WWTR1: variants seen among roughly 807,000 people sequenced by gnomAD.
WWTR1 encodes WW domain-containing transcription regulator protein 1.
In WWTR1, 13 loss-of-function variants were observed where a neutral mutation model predicts 40.1. The ratio of observed to expected loss-of-function variants is 0.32; its 90% confidence interval spans 0.21 to 0.52. The LOEUF (loss-of-function observed/expected upper bound fraction) is 0.52. WWTR1 is among the 20% of genes least tolerant of loss of function. The pLI, the probability that WWTR1 is intolerant of heterozygous loss-of-function variation, is 0.97. For synonymous variants in WWTR1, 230 were observed against 210.1 expected, an observed-to-expected ratio of 1.09 and a Z score of -0.82; for missense variants, 436 against 523.1, an observed-to-expected ratio of 0.83 and a Z score of 1.63.
rs145424611 is a variant in WWTR1 at position 149,628,176 on chromosome 3, T to C, written c.431+28700A>G. On this transcript the variant is annotated intron_variant, in intron 2 of 6. Coordinates refer to ENST00000360632, the MANE Select transcript of WWTR1 (RefSeq NM_015472.6). ...ACTAGGTCAGGCAATCGAGACCATC[T>C]TGGCTAACACGGTGAAACCCCGTCC... 6.5e-3 allele frequency among the ~76,000 whole-genome samples: 991 copies of C among 151,444 alleles called. 5 individuals carry two copies. The highest frequency in any genetic ancestry group is 0.02 in the African/African-American group (840 of 41,272).
At chr3:149,616,460 G>A (rs758138447) in intron 2 of WWTR1, among the ~76,000 whole-genome samples, 3 of 144,328 alleles carry the variant, frequency 2.1e-5, no homozygotes, top group East Asian at 2.0e-4. Flanking sequence ...TTTTTTTTCC[G>A]AGGTGGAGTT....
At position 149,657,846 on chromosome 3, in the gene WWTR1, G is replaced by C. The variant is rs1576628083; in HGVS notation, c.-85C>G. The C allele has an allele frequency of 6.5e-6, 1 of 154,062 alleles. No homozygotes were observed. The highest frequency in any genetic ancestry group is 1.9e-4 in the East Asian group (1 of 5,178). The allele number at this position is 154,062 out of a possible 1,614,324, so 9.5% of individuals were successfully genotyped here. A position where few individuals can be genotyped will look rare whatever the true frequency, so the allele number is the denominator to read the frequency against. On this transcript the variant is annotated 5_prime_UTR_variant, in exon 1 of 7. Coordinates refer to ENST00000360632, the MANE Select transcript of WWTR1 (RefSeq NM_015472.6). ...TTGCCGTCGGGCCTGGGTCGCTCGG[G>C]TGAGTCCCGAGATTGCGGAGCTGGA...
intron 2 of WWTR1, among the ~76,000 whole-genome samples, chr3:149,666,331 A>C (rs750772795): frequency 7.2e-5 from 11 of 152,210 alleles, no homozygotes; most frequent in Admixed American, 3.9e-4. Context: ...CAAGGTGGAG[A>C]GAGGACCTGA....
chr3:149,576,720 G>A (rs556296950), intron 2 of WWTR1, among the ~76,000 whole-genome samples: 2 of 152,128 alleles, frequency 1.3e-5, no homozygotes, highest in East Asian at 3.9e-4. Context: ...ACTATTTATG[G>A]TGATATATGC....
At chr3:149,718,712 A>G (rs1715672710) in intron 4 of WWTR1, among the ~76,000 whole-genome samples, 1 of 152,198 alleles carries the variant, frequency 6.6e-6, no homozygotes, top group Non-Finnish European at 1.5e-5. Flanking sequence ...AGTACTTCAT[A>G]AAAGTGGGAT....
chr3:149,698,640 T>G (rs1231188090), intron 1 of WWTR1, among the ~76,000 whole-genome samples: 1 of 152,216 alleles, frequency 6.6e-6, no homozygotes, highest in East Asian at 1.9e-4. Context: ...TCCACCCCTG[T>G]GGCAGGCTTC....
rs34414853 is a variant in WWTR1, at chr3:149,568,523, C to CAAAAAAAAAAA, written c.568+4330_568+4340dup. Reference sequence around the variant, plus strand: ...GGAGATGGCTATTTGAATTAAAGTGCAAAAAAAAAAAAAAAAAAAAAAAAA... The same window carrying CAAAAAAAAAAA: ...GGAGATGGCTATTTGAATTAAAGTGCAAAAAAAAAAAAAAAAAAAAAAAAAAAAAAAAAAAA... On this transcript the variant is annotated intron_variant, in intron 3 of 6. Coordinates refer to ENST00000360632, the MANE Select transcript of WWTR1 (RefSeq NM_015472.6). Among the ~76,000 whole-genome samples the CAAAAAAAAAAA allele has an allele frequency of 6.2e-4, 40 of 64,812 alleles. 8 individuals are homozygous for CAAAAAAAAAAA. The highest frequency in any genetic ancestry group is 9.2e-4 in the Non-Finnish European group (29 of 31,614). 42.5% of individuals were successfully genotyped at this position (64,812 alleles called of 152,430 possible).
At chr3:149,702,022 A>T (rs1715194754) in intron 1 of WWTR1, 1 of 170,802 alleles carries the variant, frequency 5.9e-6, no homozygotes, top group Non-Finnish European at 1.3e-5. Context: ...AATTGGTTTC[A>T]ACTCCTCCTG....
intron 3 of WWTR1, among the ~76,000 whole-genome samples, chr3:149,558,953 T>A (rs113112272): frequency 0.085 from 12,949 of 152,150 alleles, 769 homozygotes; most frequent in African/African-American, 0.16. Context: ...AAGAGTATTG[T>A]ATCAATGTTA....
At chr3:149,586,137 C>G (rs552797841) in intron 2 of WWTR1, among the ~76,000 whole-genome samples, 2 of 152,138 alleles carry the variant, frequency 1.3e-5, no homozygotes, top group African/African-American at 4.8e-5. Flanking sequence ...ATGAAAGTAG[C>G]AGATAAAAAT....
intron 5 of WWTR1, among the ~76,000 whole-genome samples, chr3:149,716,359 G>A (rs936487251): frequency 3.3e-5 from 5 of 152,004 alleles, no homozygotes; most frequent in Non-Finnish European, 5.9e-5. Flanking sequence ...TACAGCCTGG[G>A]TGACAAAGGG....
intron 2 of WWTR1, among the ~76,000 whole-genome samples, chr3:149,623,294 T>C (rs554753436): frequency 3.6e-4 from 55 of 152,236 alleles, no homozygotes; most frequent in African/African-American, 1.3e-3. Flanking sequence ...ACCTGGGAAG[T>C]GGAGGTTGCA....
At chr3:149,709,485 A>G (rs1260799004) in intron 5 of WWTR1, among the ~76,000 whole-genome samples, 1 of 152,046 alleles carries the variant, frequency 6.6e-6, no homozygotes, top group Non-Finnish European at 1.5e-5. Flanking sequence ...TGCTGTTATT[A>G]TTTTACAAGG....
intron 2 of WWTR1, among the ~76,000 whole-genome samples, chr3:149,628,242 C>A (rs902637049): frequency 6.7e-6 from 1 of 148,414 alleles, no homozygotes; most frequent in African/African-American, 2.5e-5. Flanking sequence ...TGGTGGCGGG[C>A]GCCTGTAGTC....
Position 149,542,489 on chromosome 3 carries a change from T to C in WWTR1, c.617A>G (p.Gln206Arg), listed in dbSNP as rs1736158374. ...TGGGTTCTGAGTGGGGTGGTTCTGC[T>C]GGCTCAGGGTACTGGGGGCCATCTG... ...QQQMAPSTLS[Q>R]QNHPTQNPPA... Residue 206 changes from glutamine (Q) to arginine (R), a missense_variant, in exon 4 of 7, where the codon CAG becomes CGG. Coordinates refer to ENST00000360632, the MANE Select transcript of WWTR1 (RefSeq NM_015472.6). 1 of 1,613,830 alleles carries C rather than the reference T, an allele frequency of 6.2e-7. No individual in the cohort carries two copies. Among genetic ancestry groups the C allele is most frequent in the African/African-American group, 1.3e-5 (1 of 74,942 alleles).
chr3:149,691,784 A>G (rs1345426064), intron 1 of WWTR1, among the ~76,000 whole-genome samples: 1 of 152,230 alleles, frequency 6.6e-6, no homozygotes, highest in East Asian at 1.9e-4. Flanking sequence ...TGGGAGGCCG[A>G]GGTGGGTGGA....
intron 2 of WWTR1, among the ~76,000 whole-genome samples, chr3:149,618,785 T>C (rs1406880614): frequency 1.3e-5 from 2 of 152,188 alleles, no homozygotes; most frequent in African/African-American, 4.8e-5. Context: ...CTCTCCACGC[T>C]GTAGGAGCCT....
intron 2 of WWTR1, among the ~76,000 whole-genome samples, chr3:149,648,321 G>A (rs1325752785): frequency 2.0e-5 from 3 of 152,180 alleles, no homozygotes; most frequent in East Asian, 3.9e-4. Context: ...GATTCCTTTC[G>A]AACACCTACT....
At chr3:149,542,762 G>T (rs557884102) in intron 3 of WWTR1, among the ~76,000 whole-genome samples, 1 of 152,090 alleles carries the variant, frequency 6.6e-6, no homozygotes, top group African/African-American at 2.4e-5. Flanking sequence ...TTTTGTTTCT[G>T]TTAAAATCTC....
Sources: gnomAD v4.1 joint callset for allele counts (sites outside exome capture counted in the v4.1 genomes callset) on GRCh38, gnomAD v4.1.1 for gene constraint, MANE v1.5 for transcripts, NCBI Gene and HGNC (gene_info 2026-07-23, HGNC 2026-07-21) for gene names.